The following MAPK6 variants were observed in gnomAD, a reference collection of about 807,000 sequenced individuals.
MAPK6 encodes the protein mitogen-activated protein kinase 6.
In MAPK6, 19 loss-of-function variants were observed where a neutral mutation model predicts 59.3. That is an observed-to-expected ratio of 0.32 (90% CI 0.22 to 0.47). The LOEUF is 0.47. Ranked by LOEUF, MAPK6 falls within the 20% of genes least tolerant of loss-of-function variation. MAPK6 has a pLI of 1.00. For synonymous variants in MAPK6, 316 were observed against 290.3 expected (o/e 1.09, Z -0.90); for missense variants, 724 against 847.9 (o/e 0.85, Z 1.81).
At chr15:52,016,949 C>CG (rs2030289168), upstream of MAPK6, among the ~76,000 whole-genome samples, 2 of 152,108 alleles carry the variant, frequency 1.3e-5, no homozygotes, top group African/African-American at 2.4e-5. Context: ...GAGGCTGAGG[C>CG]GGGGGAATCG....
At chr15:52,044,493 A>C (rs1230149978) in intron 1 of MAPK6, among the ~76,000 whole-genome samples, 1 of 152,112 alleles carries the variant, frequency 6.6e-6, no homozygotes, top group Non-Finnish European at 1.5e-5. Flanking sequence ...TAAACGAATA[A>C]ATTGGTGGCT....
chr15:52,009,297 G>C (rs1016177001), intron 3 of MAPK6, among the ~76,000 whole-genome samples: 1 of 152,190 alleles, frequency 6.6e-6, no homozygotes, highest in Non-Finnish European at 1.5e-5. Flanking sequence ...CAAAATCTGA[G>C]ACTAGTTATA....
At chr15:52,037,926 T>A (rs899789451) in intron 1 of MAPK6, among the ~76,000 whole-genome samples, 11 of 152,142 alleles carry the variant, frequency 7.2e-5, no homozygotes. Flanking sequence ...CCCAAACCTT[T>A]TATCATAGAC....
chr15:52,041,203 TTTTTTG>T (rs1244967328), intron 1 of MAPK6, among the ~76,000 whole-genome samples: 5 of 152,176 alleles, frequency 3.3e-5, no homozygotes, highest in African/African-American at 1.2e-4. Context: ...GTTTTTTTGT[TTTTTTG>T]TTTTGAGATG....
chr15:51,998,056 G>A lies in MAPK6; in HGVS notation c.-769-6209G>A, dbSNP rs543561956. Among the ~76,000 whole-genome samples the A allele has an allele frequency of 5.3e-5, 8 of 151,690 alleles. 1 individual carries two copies. Among genetic ancestry groups the A allele is most frequent in the African/African-American group, 1.5e-4 (6 of 41,340 alleles). On this transcript the variant is annotated intron_variant, in intron 2 of 7. Coordinates refer to the MAPK6 transcript ENST00000691380. ...CCTCCCGTGTTCAAGCAATTCTCCC[G>A]CCTCAGCCTCCCGAGTAGCTGGGAC...
chr15:51,986,470 G>A (rs1365365135), intron 2 of MAPK6, among the ~76,000 whole-genome samples: 2 of 152,160 alleles, frequency 1.3e-5, no homozygotes, highest in African/African-American at 4.8e-5. Context: ...GCAGCTGAGT[G>A]ACAGAATTTT....
chr15:51,995,475 T>C (rs1266885159), intron 2 of MAPK6, among the ~76,000 whole-genome samples: 1 of 152,202 alleles, frequency 6.6e-6, no homozygotes, highest in Non-Finnish European at 1.5e-5. Context: ...TTCATTCTTG[T>C]GCTGCTTTCA....
intron 3 of MAPK6, among the ~76,000 whole-genome samples, chr15:52,008,993 C>T (rs2029983189): frequency 6.6e-6 from 1 of 152,102 alleles, no homozygotes; most frequent in African/African-American, 2.4e-5. Flanking sequence ...GGAAGGCAGA[C>T]CTACTAAGCC....
At chr15:52,011,057 G>A (rs1403375914) in intron 3 of MAPK6, 2 of 152,080 alleles carry the variant, frequency 1.3e-5, no homozygotes, top group Admixed American at 1.3e-4. Flanking sequence ...TTGTAACCTC[G>A]AAGTAGTCAT....
chr15:52,059,481 G>A (rs1395475711), intron 4 of MAPK6, among the ~76,000 whole-genome samples: 5 of 152,036 alleles, frequency 3.3e-5, no homozygotes, highest in African/African-American at 1.2e-4. Flanking sequence ...AGGTGGAGTG[G>A]GGAACAGGGT....
intron 1 of MAPK6, among the ~76,000 whole-genome samples, chr15:51,979,023 A>G (rs935021061): frequency 6.6e-6 from 1 of 151,028 alleles, no homozygotes; most frequent in Admixed American, 6.6e-5. Flanking sequence ...AGGCATGAGG[A>G]TCATTTGAGG....
At chr15:52,043,888 G>C (rs1595994895) in intron 1 of MAPK6, among the ~76,000 whole-genome samples, 1 of 149,156 alleles carries the variant, frequency 6.7e-6, no homozygotes, top group East Asian at 2.0e-4. Context: ...CGATTATCCA[G>C]CCTTACCCTC....
intron 1 of MAPK6, among the ~76,000 whole-genome samples, chr15:51,972,443 C>T (rs146333799): frequency 8.5e-6 from 1 of 117,616 alleles, no homozygotes; most frequent in Non-Finnish European, 1.8e-5. Flanking sequence ...TTACTGTATT[C>T]TTACTAATAC....
chr15:52,006,310 T>TA (rs900593677), intron 3 of MAPK6, among the ~76,000 whole-genome samples: 1 of 152,136 alleles, frequency 6.6e-6, no homozygotes, highest in African/African-American at 2.4e-5. Flanking sequence ...CTGGAAACCG[T>TA]AAAAAAGAGT....
intron 2 of MAPK6, among the ~76,000 whole-genome samples, chr15:52,002,890 T>C (rs573365205): frequency 4.6e-5 from 7 of 152,074 alleles, no homozygotes; most frequent in Admixed American, 2.6e-4. Context: ...TGTCAAACAC[T>C]TATAAAACCA....
intron 3 of MAPK6, among the ~76,000 whole-genome samples, chr15:52,010,373 C>T (rs1358908606): frequency 1.3e-5 from 2 of 151,644 alleles, no homozygotes; most frequent in Non-Finnish European, 2.9e-5. Flanking sequence ...TGCCACCACA[C>T]CCAGCTAATT....
upstream of MAPK6, among the ~76,000 whole-genome samples, chr15:52,016,075 C>CAA: frequency 7.6e-6 from 1 of 131,812 alleles, no homozygotes; most frequent in African/African-American, 3.0e-5. Flanking sequence ...CGCGCGCACA[C>CAA]ACACACACAC....
intron 1 of MAPK6, among the ~76,000 whole-genome samples, chr15:51,980,123 C>T (rs1231896127): frequency 6.6e-6 from 1 of 151,288 alleles, no homozygotes; most frequent in Non-Finnish European, 1.5e-5. Context: ...GGTGAAACCC[C>T]ATCTCTACTA....
At chr15:52,048,398 C>T (rs1221153645) in intron 2 of MAPK6, among the ~76,000 whole-genome samples, 3 of 152,132 alleles carry the variant, frequency 2.0e-5, no homozygotes, top group African/African-American at 7.2e-5. Flanking sequence ...GCAGGCGGAT[C>T]ACCTGAGGTC....
Sources: gnomAD v4.1 joint callset for allele counts (sites outside exome capture counted in the v4.1 genomes callset) on GRCh38, gnomAD v4.1.1 for gene constraint, MANE v1.5 for transcripts, NCBI Gene and HGNC (gene_info 2026-07-23, HGNC 2026-07-21) for gene names.